Variants in SLC27A2 observed in about 807,000 individuals in gnomAD.
The protein encoded by SLC27A2 is solute carrier family 27 member 2.
A neutral mutation model predicts 60.0 loss-of-function variants in SLC27A2; 54 were observed. The ratio of observed to expected loss-of-function variants is 0.90; its 90% CI spans 0.72 to 1.13. SLC27A2 has a LOEUF of 1.13. Among genes scored for constraint, SLC27A2 ranks in the 50% most tolerant of loss-of-function variants. The pLI is 0.00. For synonymous variants in SLC27A2, 297 were observed against 297.6 expected, an observed-to-expected ratio of 1.00 and a Z score of 0.02; for missense variants, 739 against 777.6, an observed-to-expected ratio of 0.95 and a Z score of 0.59.
At chr15:50,187,567 G>A (rs552874641) in intron 1 of SLC27A2, among the ~76,000 whole-genome samples, 1 of 152,282 alleles carries the variant, frequency 6.6e-6, no homozygotes, top group South Asian at 2.1e-4. Context: ...CTCACTGGCA[G>A]GGTATACACT....
At chr15:50,201,729 G>A (rs946660628) in intron 2 of SLC27A2, among the ~76,000 whole-genome samples, 1 of 152,026 alleles carries the variant, frequency 6.6e-6, no homozygotes, top group African/African-American at 2.4e-5. Flanking sequence ...CTAATTTTTT[G>A]TATTTTTAGT....
At chr15:50,235,275 A>G (rs571226641) in intron 9 of SLC27A2, among the ~76,000 whole-genome samples, 3 of 152,232 alleles carry the variant, frequency 2.0e-5, no homozygotes, top group South Asian at 4.1e-4. Context: ...TGATTAACAC[A>G]TAATTGAAGG....
chr15:50,186,501 G>A (rs1468430996), intron 1 of SLC27A2, among the ~76,000 whole-genome samples: 6 of 152,106 alleles, frequency 3.9e-5, no homozygotes, highest in African/African-American at 9.7e-5. Flanking sequence ...GCCGTGGCGC[G>A]ATCTCGACTC....
Position 50,233,977 on chromosome 15 carries a change from GC to G in SLC27A2, c.1669del (p.Arg557GlyfsTer3). The G allele has an allele frequency of 6.2e-7, 1 of 1,612,164 alleles. No individual in the cohort carries two copies. The highest frequency in any genetic ancestry group is 8.5e-7 in the Non-Finnish European group (1 of 1,179,094). On this transcript the variant is annotated frameshift_variant, in exon 9 of 10. Transcript: ENST00000267842. LOFTEE classifies it high-confidence loss of function. ...CTGATTACCTACCTAGTTATGCAAG[GC>G]CCCGGTTTCTAAGAATACAGGTGAG... ...IADYLPSYAR[P>X]RFLRIQDTIE... is the part of the protein sequence containing the mutation.
chr15:50,187,381 T>C (rs1187541262), intron 1 of SLC27A2, among the ~76,000 whole-genome samples: 1 of 152,218 alleles, frequency 6.6e-6, no homozygotes, highest in African/African-American at 2.4e-5. Context: ...AGAATATGGG[T>C]AAAACAGTAA....
rs765977908 is a variant in SLC27A2, at chr15:50,182,617, C to T, written c.190C>T (p.Arg64Cys). ...CCTGCGGGCGTTCCTGGAGAAAGCGCGCCAGACGCCACACAAGCCTTTTCT... is the reference window on the plus strand; with the variant it reads ...CCTGCGGGCGTTCCTGGAGAAAGCGTGCCAGACGCCACACAAGCCTTTTCT... ...TILRAFLEKA[R>C]QTPHKPFLLF... is the part of the protein sequence containing the mutation. Residue 64 changes from arginine (R) to cysteine (C), a missense_variant, in exon 1 of 10, where the codon CGC becomes TGC. Physicochemically the swap from Arg to Cys is radical, Grantham distance 180 (BLOSUM62 -3). Coordinates refer to ENST00000267842, the MANE Select transcript of SLC27A2 (RefSeq NM_003645.4). 1.2e-6 allele frequency: 2 copies of T among 1,613,840 alleles called. No individual in the cohort carries two copies. The highest frequency in any genetic ancestry group is 2.2e-5 in the South Asian group (2 of 91,082).
At chr15:50,211,915 C>CAA (rs143641035) in intron 4 of SLC27A2, among the ~76,000 whole-genome samples, 2 of 150,228 alleles carry the variant, frequency 1.3e-5, no homozygotes, top group African/African-American at 2.5e-5. Context: ...ACTAAAAATA[C>CAA]AAAAAAATTA....
At position 50,183,030 on chromosome 15, in the gene SLC27A2, G is replaced by T. The variant is rs1595677163; in HGVS notation, c.478+125G>T. ...ATCGGAACTGTAGGTATAGAAAAAG[G>T]TTGGCAGTGTTTCCTTGAATCGCAA... On this transcript the variant is annotated intron_variant, in intron 1 of 9. Transcript: ENST00000267842. 7.2e-6 allele frequency: 7 copies of T among 969,234 alleles called. No homozygotes were observed. In the East Asian group the frequency reaches 1.5e-4, roughly 20 times the overall value. The allele number at this position is 969,234 out of a possible 1,614,324, so 60.0% of individuals were successfully genotyped here. A position where few individuals can be genotyped will look rare whatever the true frequency, so the allele number is the denominator to read the frequency against.
intron 5 of SLC27A2, among the ~76,000 whole-genome samples, chr15:50,224,205 C>T (rs1041246790): frequency 6.6e-6 from 1 of 152,176 alleles, no homozygotes; most frequent in Non-Finnish European, 1.5e-5. Flanking sequence ...CTTTGGGAGG[C>T]CGAGGCAGGT....
chr15:50,226,247 G>A (rs958804130), intron 6 of SLC27A2, 169 bp downstream of exon 6: 30 of 520,552 alleles, frequency 5.8e-5, no homozygotes, highest in Middle Eastern at 2.8e-4. Context: ...CTAATTTACC[G>A]CTGCATGTAA....
At position 50,202,607 on chromosome 15, in the gene SLC27A2, C is replaced by A. The variant is rs986940179; in HGVS notation, c.809C>A (p.Ala270Asp). The A allele has an allele frequency of 1.9e-6, 3 of 1,614,050 alleles. No individual in the cohort carries two copies. Among genetic ancestry groups the A allele is most frequent in the Non-Finnish European group, 2.5e-6 (3 of 1,180,016 alleles). The change falls in exon 3 of 10, where the codon GCT becomes GAT. Residue 270 changes from alanine (A) to aspartate (D), a missense_variant. Ala to Asp is a moderately radical substitution (Grantham distance 126). Coordinates refer to ENST00000267842, the MANE Select transcript of SLC27A2 (RefSeq NM_003645.4). Reference protein sequence around the residue: ...IYITLPFYHSAALLIGIHGCI... With the variant: ...IYITLPFYHSDALLIGIHGCI... Reference sequence around the variant, plus strand: ...ATCACTCTGCCCTTTTACCACAGTGCTGCACTACTGATTGGCATTCACGGA... The same window carrying A: ...ATCACTCTGCCCTTTTACCACAGTGATGCACTACTGATTGGCATTCACGGA...
chr15:50,192,226 G>T (rs1188272438), intron 1 of SLC27A2, among the ~76,000 whole-genome samples: 5 of 152,214 alleles, frequency 3.3e-5, no homozygotes, highest in South Asian at 4.1e-4. Flanking sequence ...GGGAAGAAAG[G>T]CTTCCATAGT....
chr15:50,232,577 C>T (rs1016078293), intron 8 of SLC27A2, among the ~76,000 whole-genome samples: 4 of 152,050 alleles, frequency 2.6e-5, no homozygotes, highest in Admixed American at 1.3e-4. Flanking sequence ...AACCACCCTC[C>T]GAGAGTTGGG....
At position 50,223,144 on chromosome 15, in the gene SLC27A2, A is replaced by T; in HGVS notation, c.1152A>T (p.Val384=). 6.2e-7 allele frequency: 1 copy of T among 1,612,824 alleles called. No individual in the cohort carries two copies. The highest frequency in any genetic ancestry group is 1.1e-5 in the South Asian group (1 of 90,878). Residue 384 remains valine (V), a synonymous_variant, in exon 5 of 10, where the codon GTA becomes GTT. Transcript: ENST00000267842. ...YARKVGAVGR[V]NYLQKKIITY... The stretch of plus-strand genomic sequence containing the variant: ...GAAAAGTTGGTGCTGTTGGAAGAGT[A>T]AACTACCTACAGAAAGTAAGTACAT...
Position 50,196,841 on chromosome 15 carries a change from CTGA to C in SLC27A2, c.479-656_479-654del, listed in dbSNP as rs149900888. Among the ~76,000 whole-genome samples the C allele has an allele frequency of 6.0e-3, 912 of 152,248 alleles. 11 individuals are homozygous for C. Among genetic ancestry groups the C allele is most frequent in the African/African-American group, 0.021 (889 of 41,538 alleles). Reference sequence around the variant, plus strand: ...AACCTTCCTAGGAAATTACTTGTTACTGATGCATAAGAAAAAATTGTTACATAA... The same window carrying C: ...AACCTTCCTAGGAAATTACTTGTTACTGCATAAGAAAAAATTGTTACATAA... On this transcript the variant is annotated intron_variant, in intron 1 of 9. Transcript: ENST00000267842.
At position 50,236,054 on chromosome 15, in the gene SLC27A2, G is replaced by A; in HGVS notation, c.1821G>A (p.Glu607=). Residue 607 remains glutamate (E), a synonymous_variant, in exon 10 of 10, where the codon GAG becomes GAA. Transcript: ENST00000267842. ...CAAAAATGTATGTGCCTATGACTGA[G>A]GACATCTATAATGCCATAAGTGCTA... ...DTAKMYVPMT[E]DIYNAISAKT... 1 of 1,613,086 alleles carries A rather than the reference G, an allele frequency of 6.2e-7. No individual in the cohort carries two copies. Among genetic ancestry groups the A allele is most frequent in the Non-Finnish European group, 8.5e-7 (1 of 1,179,462 alleles).
In SLC27A2 at chr15:50,203,776, G is replaced by A. The variant is rs368033395; in HGVS notation, c.847+1131G>A. ...GGCCTTTGGGAAGTAATTGGGTCAT[G>A]AGAGTAGTGCCTTCATGAAAGGTAG... On this transcript the variant is annotated intron_variant, in intron 3 of 9. Transcript: ENST00000267842. 1.0e-3 allele frequency among the ~76,000 whole-genome samples: 154 copies of A among 152,202 alleles called. 1 individual carries two copies. The highest frequency in any genetic ancestry group is 3.4e-3 in the African/African-American group (142 of 41,516).
chr15:50,204,467 C>T lies in SLC27A2; in HGVS notation c.848-772C>T, dbSNP rs144795299. On this transcript the variant is annotated intron_variant, in intron 3 of 9. Transcript: ENST00000267842. ...GTGAGACCCGGGCCAGGTACGGTGG[C>T]TCACGCCTGTAATCTCAGCACTTTG... is the stretch of plus-strand genomic sequence containing the variant. Among the ~76,000 whole-genome samples the T allele has an allele frequency of 8.0e-3, 1,207 of 151,634 alleles. 20 individuals carry two copies. Among genetic ancestry groups the T allele is most frequent in the African/African-American group, 0.028 (1,151 of 41,300 alleles).
intron 4 of SLC27A2, among the ~76,000 whole-genome samples, chr15:50,213,559 C>T (rs2045173250): frequency 6.6e-6 from 1 of 152,004 alleles, no homozygotes; most frequent in Non-Finnish European, 1.5e-5. Flanking sequence ...CACATGGTGG[C>T]CCATAAAATG....
Sources: gnomAD v4.1 joint callset for allele counts (sites outside exome capture counted in the v4.1 genomes callset) on GRCh38, gnomAD v4.1.1 for gene constraint, MANE v1.5 for transcripts, NCBI Gene and HGNC (gene_info 2026-07-23, HGNC 2026-07-21) for gene names.